The following KIDINS220 variants were observed in gnomAD, a reference collection of about 807,000 sequenced individuals.
KIDINS220 encodes the protein kinase D-interacting substrate of 220 kDa.
KIDINS220 carries 63 observed loss-of-function variants against 157.6 expected under a neutral mutation model. That is an observed-to-expected ratio of 0.40 (90% CI 0.33 to 0.49). The LOEUF (loss-of-function observed/expected upper bound fraction) is 0.49. KIDINS220 is among the 20% of genes least tolerant of loss of function. The pLI is 0.66. For synonymous variants in KIDINS220, 732 were observed against 783.6 expected (o/e 0.93, Z 1.10); for missense variants, 1,772 against 2,171.2 (o/e 0.82, Z 3.65).
chr2:8,826,231 A>G (rs72786366), intron 2 of KIDINS220, among the ~76,000 whole-genome samples: 1 of 152,318 alleles, frequency 6.6e-6, no homozygotes, highest in East Asian at 1.9e-4. Context: ...AACCTATTTA[A>G]CTCTCTAATA....
At chr2:8,814,318 C>A (rs1676745260) in intron 4 of KIDINS220, among the ~76,000 whole-genome samples, 1 of 152,046 alleles carries the variant, frequency 6.6e-6, no homozygotes, top group African/African-American at 2.4e-5. Context: ...TAAAAGGGCA[C>A]AGAGCCAGCC....
chr2:8,748,545 T>A (rs13036056), intron 24 of KIDINS220, among the ~76,000 whole-genome samples: 49,308 of 151,802 alleles, frequency 0.32, 8,507 homozygotes, highest in African/African-American at 0.44. Context: ...ATATTTTTTT[T>A]AAAAAACGTG....
At chr2:8,738,191 G>C (rs915994976) in intron 26 of KIDINS220, among the ~76,000 whole-genome samples, 1 of 152,046 alleles carries the variant, frequency 6.6e-6, no homozygotes, top group Non-Finnish European at 1.5e-5. Flanking sequence ...CTAAATAATT[G>C]AAAAAAGTGA....
Position 8,813,345 on chromosome 2 carries a change from A to T in KIDINS220, c.307-10T>A. Reference sequence around the variant, plus strand: ...GAGCTGTCCATCCTCCCTAAACAAAAAATGTAGGGGTAAGGGAATCAAACT... The same window carrying T: ...GAGCTGTCCATCCTCCCTAAACAAATAATGTAGGGGTAAGGGAATCAAACT... On this transcript the variant is annotated splice_polypyrimidine_tract_variant and intron_variant, in intron 4 of 29. Coordinates refer to ENST00000256707, the MANE Select transcript of KIDINS220 (RefSeq NM_020738.4). 1 of 1,585,304 alleles carries T rather than the reference A, an allele frequency of 6.3e-7. No individual in the cohort carries two copies. The highest frequency in any genetic ancestry group is 8.6e-7 in the Non-Finnish European group (1 of 1,158,872).
chr2:8,745,076 T>G (rs1666354998), intron 26 of KIDINS220, among the ~76,000 whole-genome samples: 1 of 152,204 alleles, frequency 6.6e-6, no homozygotes, highest in African/African-American at 2.4e-5. Flanking sequence ...TACTGGTCCC[T>G]AAAAGAAACT....
At chr2:8,746,405 CACTTACA>C (rs1355860074) in intron 26 of KIDINS220, 1 of 151,790 alleles carries the variant, frequency 6.6e-6, no homozygotes, top group Non-Finnish European at 1.5e-5. Context: ...CGCGCCTGGC[CACTTACA>C]TAGTAATTTA....
Position 8,799,055 on chromosome 2 carries a change from A to T in KIDINS220, c.901-755T>A, listed in dbSNP as rs566699299. 1.2e-3 allele frequency among the ~76,000 whole-genome samples: 177 copies of T among 152,144 alleles called. 1 individual carries two copies. Among genetic ancestry groups the T allele is most frequent in the African/African-American group, 4.1e-3 (171 of 41,508 alleles). On this transcript the variant is annotated intron_variant, in intron 9 of 29. Transcript: ENST00000256707. The stretch of plus-strand genomic sequence containing the variant: ...ACAGTTTCTCTTCTAAAAAATGTAC[A>T]CTAGCTGCCCAACTCAAACTTCCCA...
Position 8,744,428 on chromosome 2 carries a change from A to ATATC in KIDINS220, c.3585+2716_3585+2717insGATA, listed in dbSNP as rs1666257875. Among the ~76,000 whole-genome samples the ATATC allele has an allele frequency of 6.0e-5, 6 of 100,206 alleles. 1 individual carries two copies. The highest frequency in any genetic ancestry group is 1.2e-4 in the Non-Finnish European group (6 of 51,284). 65.7% of individuals were successfully genotyped at this position (100,206 alleles called of 152,430 possible). ...TATATATATATATATATATATATAT[A>ATATC]TATATATATATATATATGGGATCAT... is the stretch of plus-strand genomic sequence containing the variant. On this transcript the variant is annotated intron_variant, in intron 26 of 29. Transcript: ENST00000256707.
intron 26 of KIDINS220, among the ~76,000 whole-genome samples, chr2:8,739,583 G>A (rs12477993): frequency 0.26 from 39,196 of 151,766 alleles, 5,255 homozygotes; most frequent in Middle Eastern, 0.34. Flanking sequence ...GATAAGGAAA[G>A]GGCAAAAAGC....
rs772500180 is a variant in KIDINS220 at position 8,776,908 on chromosome 2, G to A, written c.2704-16C>T. ...GGTAAGTGTCCTGAAACAGCACGTCGTCAGTGAGAAGGAACCCACGCGTCC... is the reference window on the plus strand; with the variant it reads ...GGTAAGTGTCCTGAAACAGCACGTCATCAGTGAGAAGGAACCCACGCGTCC... On this transcript the variant is annotated splice_polypyrimidine_tract_variant and intron_variant, in intron 20 of 29. Transcript: ENST00000256707. The A allele has an allele frequency of 4.0e-5, 65 of 1,612,056 alleles. No individual in the cohort carries two copies. Among genetic ancestry groups the A allele is most frequent in the East Asian group, 1.6e-4 (7 of 44,822 alleles).
chr2:8,819,698 G>A (rs1204760735), intron 2 of KIDINS220, among the ~76,000 whole-genome samples: 1 of 151,996 alleles, frequency 6.6e-6, no homozygotes, highest in Admixed American at 6.5e-5. Flanking sequence ...GGTAGCACAC[G>A]CCTGTAATCC....
chr2:8,773,660 C>T (rs570467048), intron 21 of KIDINS220, among the ~76,000 whole-genome samples: 58 of 152,068 alleles, frequency 3.8e-4, no homozygotes, highest in African/African-American at 1.3e-3. Flanking sequence ...TTCGTAAAGA[C>T]GGGGTTTCAT....
chr2:8,770,888 G>T, intron 21 of KIDINS220, 56 bp from the exon 22 acceptor site: 1 of 1,028,856 alleles, frequency 9.7e-7, no homozygotes, highest in Non-Finnish European at 1.4e-6. Context: ...AGTATGTTAA[G>T]TAAAACATTT....
At chr2:8,784,363 T>C (rs1672106739) in intron 17 of KIDINS220, among the ~76,000 whole-genome samples, 1 of 152,164 alleles carries the variant, frequency 6.6e-6, no homozygotes, top group Non-Finnish European at 1.5e-5. Context: ...GGTTTGGTGT[T>C]AACTTTTTAG....
chr2:8,797,001 A>G, intron 10 of KIDINS220, 132 bp from the exon 11 acceptor site: 1 of 703,314 alleles, frequency 1.4e-6, no homozygotes, highest in Non-Finnish European at 2.5e-6. Context: ...AGAAAACATA[A>G]AAGCTAACAA....
chr2:8,743,743 C>T (rs537931799), intron 26 of KIDINS220, among the ~76,000 whole-genome samples: 5 of 152,190 alleles, frequency 3.3e-5, no homozygotes, highest in Non-Finnish European at 5.9e-5. Flanking sequence ...ACTAGCACTC[C>T]TGGGGGACCC....
downstream of KIDINS220, chr2:8,721,751 C>T (rs1662971877): frequency 6.6e-6 from 1 of 152,206 alleles, no homozygotes; most frequent in Non-Finnish European, 1.5e-5. Context: ...GGGCCCAGAC[C>T]CTGGCTCTGC....
intron 29 of KIDINS220, among the ~76,000 whole-genome samples, chr2:8,732,292 CT>C (rs1664231879): frequency 6.6e-6 from 1 of 152,174 alleles, no homozygotes; most frequent in Non-Finnish European, 1.5e-5. Context: ...GAGACAGGAT[CT>C]TGCTGTGTTG....
At chr2:8,771,616 T>C (rs1433409178) in intron 21 of KIDINS220, among the ~76,000 whole-genome samples, 1 of 152,232 alleles carries the variant, frequency 6.6e-6, no homozygotes, top group Non-Finnish European at 1.5e-5. Context: ...TGTTTGTATG[T>C]AGACTAAGAT....
Sources: gnomAD v4.1 joint callset for allele counts (sites outside exome capture counted in the v4.1 genomes callset) on GRCh38, gnomAD v4.1.1 for gene constraint, MANE v1.5 for transcripts, NCBI Gene and HGNC (gene_info 2026-07-23, HGNC 2026-07-21) for gene names.